The following UBE2E2 variants were observed in gnomAD, a reference collection of about 807,000 sequenced individuals.
The protein encoded by UBE2E2 is ubiquitin conjugating enzyme E2 E2.
UBE2E2 carries 6 observed loss-of-function variants against 24.7 expected under a neutral mutation model. The ratio of observed to expected loss-of-function variants is 0.24; its 90% CI spans 0.13 to 0.48. The LOEUF (loss-of-function observed/expected upper bound fraction) is 0.48. Ranked by LOEUF, UBE2E2 falls within the 20% of genes least tolerant of loss-of-function variation. The pLI, the probability that UBE2E2 is intolerant of heterozygous loss-of-function variation, is 0.99. For missense variants in UBE2E2, 169 were observed against 245.0 expected (o/e 0.69, Z 2.07); for synonymous variants, 104 against 83.6 (o/e 1.24, Z -1.33).
intron 4 of UBE2E2, 120 bp from the exon 5 acceptor site, chr3:23,532,434 A>T: frequency 1.2e-6 from 1 of 829,130 alleles, no homozygotes; most frequent in Non-Finnish European, 1.7e-6. Context: ...AGTGTATGTT[A>T]ACCAATAGCC....
rs142921836 is a variant in UBE2E2, at chr3:23,254,374, G to A, written c.227+37062G>A. 8.8e-3 allele frequency among the ~76,000 whole-genome samples: 1,337 copies of A among 152,306 alleles called. 12 individuals carry two copies. Among genetic ancestry groups the A allele is most frequent in the Middle Eastern group, 0.034 (10 of 294 alleles). On this transcript the variant is annotated intron_variant, in intron 3 of 5. Transcript: ENST00000396703. ...TAATCCTGGGTTTAGGGAACATCTG[G>A]TTGCCCAGTTTCTGGAAGTGTGCGT...
chr3:23,392,352 C>T (rs1055280218), intron 3 of UBE2E2, among the ~76,000 whole-genome samples: 1 of 152,016 alleles, frequency 6.6e-6, no homozygotes. Flanking sequence ...AGATTAAAAT[C>T]CAGTTGAGTT....
chr3:23,451,379 A>T (rs1049994650), intron 3 of UBE2E2, among the ~76,000 whole-genome samples: 1 of 152,202 alleles, frequency 6.6e-6, no homozygotes, highest in Non-Finnish European at 1.5e-5. Context: ...GGCATCCTCG[A>T]AACATCCTGA....
intron 4 of UBE2E2, among the ~76,000 whole-genome samples, chr3:23,531,595 G>T (rs965739774): frequency 6.6e-6 from 1 of 152,128 alleles, no homozygotes; most frequent in Non-Finnish European, 1.5e-5. Flanking sequence ...AAGGTAGGAT[G>T]CACTAATATT....
At chr3:23,425,859 T>C (rs1237817966) in intron 3 of UBE2E2, among the ~76,000 whole-genome samples, 1 of 151,972 alleles carries the variant, frequency 6.6e-6, no homozygotes, top group African/African-American at 2.4e-5. Flanking sequence ...AAATTACAAG[T>C]GTACTAGAAG....
At chr3:23,250,359 G>A (rs1232216668) in intron 3 of UBE2E2, among the ~76,000 whole-genome samples, 1 of 152,118 alleles carries the variant, frequency 6.6e-6, no homozygotes, top group Non-Finnish European at 1.5e-5. Flanking sequence ...TGGCTGCTTT[G>A]AGGTTTCTGA....
At chr3:23,217,879 AG>A (rs1423336643) in intron 3 of UBE2E2, among the ~76,000 whole-genome samples, 3 of 152,134 alleles carry the variant, frequency 2.0e-5, no homozygotes, top group African/African-American at 7.2e-5. Flanking sequence ...AGGAAAGAAA[AG>A]TGCTTACCTG....
At chr3:23,527,264 A>G (rs2125480722) in intron 4 of UBE2E2, among the ~76,000 whole-genome samples, 1 of 152,292 alleles carries the variant, frequency 6.6e-6, no homozygotes, top group East Asian at 1.9e-4. Flanking sequence ...GTTATTATAA[A>G]ACTAAATATG....
intron 3 of UBE2E2, among the ~76,000 whole-genome samples, chr3:23,219,569 G>A (rs1279376444): frequency 3.9e-5 from 6 of 152,196 alleles, no homozygotes; most frequent in African/African-American, 9.6e-5. Context: ...TTGGCCTAAT[G>A]ACTGTAATGG....
At chr3:23,471,148 T>A (rs1699026554) in intron 3 of UBE2E2, among the ~76,000 whole-genome samples, 1 of 152,144 alleles carries the variant, frequency 6.6e-6, no homozygotes, top group Admixed American at 6.5e-5. Flanking sequence ...TATTTTACTA[T>A]GTTTTCATTA....
intron 3 of UBE2E2, among the ~76,000 whole-genome samples, chr3:23,308,044 C>G (rs992257552): frequency 6.6e-6 from 1 of 152,168 alleles, no homozygotes; most frequent in African/African-American, 2.4e-5. Context: ...ACCAACTCCC[C>G]CCCAAATACT....
intron 4 of UBE2E2, among the ~76,000 whole-genome samples, chr3:23,529,366 A>C (rs1160965367): frequency 6.6e-6 from 1 of 152,228 alleles, no homozygotes; most frequent in Admixed American, 6.5e-5. Flanking sequence ...GTTATACAGG[A>C]TGTTTTCATT....
intron 3 of UBE2E2, among the ~76,000 whole-genome samples, chr3:23,265,485 G>A (rs1698023624): frequency 6.6e-6 from 1 of 152,110 alleles, no homozygotes; most frequent in Non-Finnish European, 1.5e-5. Context: ...CCTGCTGAAG[G>A]GGGACTAGGG....
chr3:23,443,957 C>T (rs556230439), intron 3 of UBE2E2, among the ~76,000 whole-genome samples: 4 of 152,150 alleles, frequency 2.6e-5, no homozygotes, highest in East Asian at 3.9e-4. Context: ...AGACTTTAGA[C>T]GGGACAGTTA....
At chr3:23,444,841 G>A (rs1698390996) in intron 3 of UBE2E2, among the ~76,000 whole-genome samples, 1 of 152,204 alleles carries the variant, frequency 6.6e-6, no homozygotes, top group Non-Finnish European at 1.5e-5. Flanking sequence ...GCCTAAGACA[G>A]TGTTTGGTGG....
intron 4 of UBE2E2, among the ~76,000 whole-genome samples, chr3:23,515,154 T>TACATA (rs1376890504): frequency 4.7e-5 from 7 of 149,774 alleles, no homozygotes; most frequent in African/African-American, 1.7e-4. Context: ...TGTGTGTGTG[T>TACATA]ACATATATAT....
At chr3:23,303,228 G>A (rs1342744883) in intron 3 of UBE2E2, among the ~76,000 whole-genome samples, 1 of 152,028 alleles carries the variant, frequency 6.6e-6, no homozygotes, top group African/African-American at 2.4e-5. Context: ...CTAGTTGCAG[G>A]AAGACGAACT....
intron 3 of UBE2E2, among the ~76,000 whole-genome samples, chr3:23,281,773 G>T (rs1045381918): frequency 6.6e-6 from 1 of 151,994 alleles, no homozygotes; most frequent in Non-Finnish European, 1.5e-5. Context: ...AATTTCATTC[G>T]CAGTAATATT....
intron 3 of UBE2E2, among the ~76,000 whole-genome samples, chr3:23,387,776 G>C (rs1314242587): frequency 6.6e-6 from 1 of 152,162 alleles, no homozygotes; most frequent in Non-Finnish European, 1.5e-5. Context: ...TTCAGTCCTT[G>C]TTATTCTTGA....
Sources: allele counts gnomAD v4.1 joint callset (sites outside exome capture counted in the v4.1 genomes callset), GRCh38; gene constraint gnomAD v4.1.1; transcripts MANE v1.5; gene names NCBI Gene and HGNC (gene_info 2026-07-23, HGNC 2026-07-21).